The following PVT1 variants were observed in gnomAD, a reference collection of about 807,000 sequenced individuals.
PVT1 encodes CXCR4/PVT1 fusion.
At chr8:128,026,473 G>A (rs1042054898) in intron 4 of PVT1, among the ~76,000 whole-genome samples, 9 of 152,136 alleles carry the variant, frequency 5.9e-5, no homozygotes, top group Admixed American at 5.9e-4. Flanking sequence ...TACACCTGAG[G>A]AAGCTGAGGC....
chr8:128,091,975 G>C (rs1367800195), intron 5 of PVT1, among the ~76,000 whole-genome samples: 2 of 152,126 alleles, frequency 1.3e-5, no homozygotes, highest in East Asian at 3.9e-4. Context: ...AATATGAGAG[G>C]AGTTTGAGAA....
intron 2 of PVT1, among the ~76,000 whole-genome samples, chr8:127,839,963 G>A (rs532905542): frequency 3.3e-5 from 5 of 152,318 alleles, no homozygotes; most frequent in African/African-American, 9.6e-5. Flanking sequence ...ACAGTTGATG[G>A]CCAGTGCACT....
chr8:127,938,950 CTG>C (rs1390353894), intron 3 of PVT1, among the ~76,000 whole-genome samples: 2 of 152,226 alleles, frequency 1.3e-5, no homozygotes, highest in Non-Finnish European at 2.9e-5. Flanking sequence ...GATGAGGAAA[CTG>C]AGGCTGAGAG....
At chr8:128,024,078 A>G (rs1168176430) in intron 4 of PVT1, among the ~76,000 whole-genome samples, 1 of 152,206 alleles carries the variant, frequency 6.6e-6, no homozygotes, top group Non-Finnish European at 1.5e-5. Context: ...ATCCAGAGCT[A>G]CCTCACAGCA....
At chr8:128,077,326 G>A (rs1414630455) in intron 5 of PVT1, among the ~76,000 whole-genome samples, 2 of 152,136 alleles carry the variant, frequency 1.3e-5, no homozygotes, top group Non-Finnish European at 2.9e-5. Context: ...TACCAAAGGA[G>A]ACCAAAGCTC....
At chr8:128,028,503 C>G (rs1488151592) in intron 4 of PVT1, among the ~76,000 whole-genome samples, 1 of 152,244 alleles carries the variant, frequency 6.6e-6, no homozygotes, top group Admixed American at 6.5e-5. Flanking sequence ...GTTCTGAGCT[C>G]TCTGAGGAGA....
chr8:127,997,047 T>TC, intron 4 of PVT1, among the ~76,000 whole-genome samples: 1 of 126,882 alleles, frequency 7.9e-6, no homozygotes, highest in Non-Finnish European at 1.7e-5. Context: ...TGCTTTCGTT[T>TC]TTTTTTTTTG....
chr8:127,955,376 T>C (rs1217181212), intron 3 of PVT1, among the ~76,000 whole-genome samples: 1 of 152,222 alleles, frequency 6.6e-6, no homozygotes, highest in African/African-American at 2.4e-5. Context: ...ACTCCTTTTT[T>C]ATGGCAGCCC....
intron 3 of PVT1, among the ~76,000 whole-genome samples, chr8:127,904,968 A>G (rs992833644): frequency 6.6e-6 from 1 of 152,232 alleles, no homozygotes; most frequent in Non-Finnish European, 1.5e-5. Context: ...ACTAAGGTTC[A>G]GGCTTCGTAT....
intron 3 of PVT1, among the ~76,000 whole-genome samples, chr8:127,929,798 G>C (rs903510038): frequency 6.6e-6 from 1 of 152,106 alleles, no homozygotes; most frequent in African/African-American, 2.4e-5. Flanking sequence ...AAGGTCATGA[G>C]TGTCAGGGAA....
At chr8:127,939,303 C>T (rs1203837102) in intron 3 of PVT1, among the ~76,000 whole-genome samples, 1 of 152,204 alleles carries the variant, frequency 6.6e-6, no homozygotes, top group Non-Finnish European at 1.5e-5. Flanking sequence ...ACACAGGCTT[C>T]ATGGATGGGG....
intron 3 of PVT1, among the ~76,000 whole-genome samples, chr8:127,986,994 G>C (rs1013839698): frequency 3.3e-5 from 5 of 152,116 alleles, no homozygotes; most frequent in Admixed American, 6.5e-5. Context: ...CTTCAGCCCT[G>C]TATTTGTGGA....
intron 3 of PVT1, among the ~76,000 whole-genome samples, chr8:127,937,574 C>CAGAG (rs1403061270): frequency 2.1e-5 from 2 of 96,228 alleles, no homozygotes; most frequent in African/African-American, 3.3e-5. Context: ...CACACACACA[C>CAGAG]ACACACAGAG....
At chr8:127,831,555 G>C (rs559950305) in intron 2 of PVT1, among the ~76,000 whole-genome samples, 1 of 152,270 alleles carries the variant, frequency 6.6e-6, no homozygotes, top group South Asian at 2.1e-4. Flanking sequence ...CCAAATCCAT[G>C]GGAGTGGAGT....
chr8:127,984,911 TTCTTTCTTTC>T lies in PVT1; in HGVS notation n.783-4243_783-4234del, dbSNP rs1372870352. ...TTTCTTTCTTTCTTTCTTTCTTTCT[TTCTTTCTTTC>T]TCTTTCTCTTTCTTTCTTTCTTTCC... On this transcript the variant is annotated intron_variant and non_coding_transcript_variant, in intron 3 of 10. Transcript: ENST00000651587. Among the ~76,000 whole-genome samples the T allele has an allele frequency of 1.1e-3, 94 of 82,336 alleles. 3 individuals are homozygous for T. The East Asian group carries it at 0.013, about 11-fold the overall frequency. The allele number at this position is 82,336 out of a possible 152,430, so 54.0% of individuals were successfully genotyped here. A position where few individuals can be genotyped will look rare whatever the true frequency, so the allele number is the denominator to read the frequency against.
intron 4 of PVT1, among the ~76,000 whole-genome samples, chr8:128,016,563 A>T (rs1817376401): frequency 6.6e-6 from 1 of 152,234 alleles, no homozygotes; most frequent in Non-Finnish European, 1.5e-5. Context: ...TTACAGCTGG[A>T]TCATGATTTA....
At chr8:127,989,685 T>G (rs1435526044) in intron 4 of PVT1, among the ~76,000 whole-genome samples, 1 of 152,294 alleles carries the variant, frequency 6.6e-6, no homozygotes, top group South Asian at 2.1e-4. Context: ...ATCCAGAACA[T>G]GAGCTCTTCC....
chr8:128,093,689 G>A (rs1814389749), intron 5 of PVT1, among the ~76,000 whole-genome samples: 1 of 151,940 alleles, frequency 6.6e-6, no homozygotes, highest in Admixed American at 6.6e-5. Context: ...CCAGGCTGGA[G>A]CGCTACAGCA....
At chr8:127,845,419 G>A (rs189645889) in intron 2 of PVT1, among the ~76,000 whole-genome samples, 7 of 152,278 alleles carry the variant, frequency 4.6e-5, no homozygotes, top group Admixed American at 2.0e-4. Context: ...GCTCTCTGGT[G>A]GACTGGCTGG....
Sources: allele counts gnomAD v4.1 joint callset (sites outside exome capture counted in the v4.1 genomes callset), GRCh38; gene constraint gnomAD v4.1.1; transcripts MANE v1.5; gene names NCBI Gene and HGNC (gene_info 2026-07-23, HGNC 2026-07-21).